The following MOSMO variants were observed in gnomAD, a reference collection of about 807,000 sequenced individuals.
The protein encoded by MOSMO is modulator of smoothened protein.
Under a neutral mutation model 18.4 loss-of-function variants are expected in MOSMO, and 5 were observed. That is an observed-to-expected ratio of 0.27 (90% CI 0.14 to 0.57). The LOEUF is 0.57. Ranked by LOEUF, MOSMO falls within the 20% of genes least tolerant of loss-of-function variation. The probability of loss-of-function intolerance (pLI) is 0.92; values close to 1 mark genes in which losing one functional copy is unlikely to be tolerated. For missense variants in MOSMO, 138 were observed against 211.8 expected, an observed-to-expected ratio of 0.65 and a Z score of 2.16; for synonymous variants, 82 against 82.3, an observed-to-expected ratio of 1.00 and a Z score of 0.02.
At chr16:22,032,182 CCTTTT>C (rs1379006214) in intron 1 of MOSMO, among the ~76,000 whole-genome samples, 15 of 151,096 alleles carry the variant, frequency 9.9e-5, no homozygotes, top group Admixed American at 7.9e-4. Context: ...GATCCTCTAC[CCTTTT>C]CTTTTTTTTT....
At chr16:22,065,435 C>G (rs372493336) in intron 1 of MOSMO, among the ~76,000 whole-genome samples, 24 of 152,062 alleles carry the variant, frequency 1.6e-4, no homozygotes, top group African/African-American at 3.9e-4. Flanking sequence ...TTTCAGCAAG[C>G]CTGAACTTGC....
In MOSMO at chr16:22,083,791, A is replaced by T. The variant is rs1398571748; in HGVS notation, c.*2911A>T. ...TTGACATTTTTGGAAGCTCCTATTG[A>T]ACATACCCAAACATCTGTAAACATG... On this transcript the variant is annotated 3_prime_UTR_variant, in exon 3 of 3. Transcript: ENST00000542527. 1 of 402,824 alleles carries T rather than the reference A, an allele frequency of 2.5e-6. No individual in the cohort carries two copies. The highest frequency in any genetic ancestry group is 4.8e-6 in the Non-Finnish European group (1 of 207,384). The allele number at this position is 402,824 out of a possible 1,614,324, so 25.0% of individuals were successfully genotyped here.
At chr16:22,073,008 G>C (rs965935794) in intron 1 of MOSMO, among the ~76,000 whole-genome samples, 1 of 152,106 alleles carries the variant, frequency 6.6e-6, no homozygotes, top group Non-Finnish European at 1.5e-5. Context: ...TATAGAAGGT[G>C]TTGAAATTTT....
chr16:22,021,892 T>C (rs1899771514), intron 1 of MOSMO, among the ~76,000 whole-genome samples: 1 of 152,150 alleles, frequency 6.6e-6, no homozygotes, highest in Admixed American at 6.5e-5. Context: ...GCATGTTTCT[T>C]GGCCTCGGAG....
At chr16:22,069,493 G>A (rs1347960035) in intron 1 of MOSMO, among the ~76,000 whole-genome samples, 1 of 152,148 alleles carries the variant, frequency 6.6e-6, no homozygotes, top group Admixed American at 6.5e-5. Context: ...AAAAAAGTGT[G>A]TATGAAAGGA....
At chr16:22,076,470 T>C (rs999995226) in intron 2 of MOSMO, 1 of 152,178 alleles carries the variant, frequency 6.6e-6, no homozygotes, top group African/African-American at 2.4e-5. Flanking sequence ...CTGCTAAACG[T>C]CCTACAAATA....
At chr16:22,014,741 A>G (rs1305991820) in intron 1 of MOSMO, among the ~76,000 whole-genome samples, 1 of 152,230 alleles carries the variant, frequency 6.6e-6, no homozygotes, top group African/African-American at 2.4e-5. Context: ...ACTCTGTAAC[A>G]TCAGTTGTTA....
intron 1 of MOSMO, among the ~76,000 whole-genome samples, chr16:22,071,203 A>T (rs964271466): frequency 6.6e-6 from 1 of 152,192 alleles, no homozygotes; most frequent in Non-Finnish European, 1.5e-5. Flanking sequence ...ACTCCAAATC[A>T]TAGTACCTAG....
chr16:22,080,221 C>T (rs1296908071), intron 2 of MOSMO, among the ~76,000 whole-genome samples: 3 of 152,136 alleles, frequency 2.0e-5, no homozygotes, highest in African/African-American at 4.8e-5. Flanking sequence ...GTATGCAGCA[C>T]TCATTCAGCA....
chr16:22,010,899 C>T (rs917592076), intron 1 of MOSMO, among the ~76,000 whole-genome samples: 25 of 145,574 alleles, frequency 1.7e-4, no homozygotes, highest in Non-Finnish European at 2.8e-4. Flanking sequence ...CTGGCCTGGG[C>T]GACAGAATGG....
intron 1 of MOSMO, among the ~76,000 whole-genome samples, chr16:22,025,472 C>A (rs1286554731): frequency 1.3e-5 from 2 of 152,076 alleles, no homozygotes. Flanking sequence ...ACAGTGTTTA[C>A]CTCATATGAA....
chr16:22,016,315 C>T (rs1001080433), intron 1 of MOSMO, among the ~76,000 whole-genome samples: 9 of 152,070 alleles, frequency 5.9e-5, no homozygotes, highest in African/African-American at 1.2e-4. Context: ...GCACATTGTC[C>T]GATACTTAGT....
intron 1 of MOSMO, among the ~76,000 whole-genome samples, chr16:22,034,842 C>A (rs895190170): frequency 1.3e-5 from 2 of 148,626 alleles, no homozygotes; most frequent in African/African-American, 4.9e-5. Flanking sequence ...GTGATTCTCC[C>A]ACCTCAGCCT....
chr16:22,068,878 G>A (rs1159946620), intron 1 of MOSMO, among the ~76,000 whole-genome samples: 4 of 152,154 alleles, frequency 2.6e-5, no homozygotes, highest in Admixed American at 6.5e-5. Context: ...CCCCAAGTTG[G>A]TGCACTGCAG....
At chr16:22,075,460 G>A (rs1168098838) in intron 1 of MOSMO, 27 bp from the exon 2 acceptor site, 1 of 1,272,514 alleles carries the variant, frequency 7.9e-7, no homozygotes, top group East Asian at 3.9e-5. Flanking sequence ...ACCCACTAAA[G>A]TATTCCCACC....
At chr16:22,025,911 A>T (rs1252394650) in intron 1 of MOSMO, among the ~76,000 whole-genome samples, 1 of 152,124 alleles carries the variant, frequency 6.6e-6, no homozygotes, top group Non-Finnish European at 1.5e-5. Flanking sequence ...TCTCTTATTA[A>T]CACCCTCTGT....
At chr16:22,080,583 G>A (rs1367505505) in intron 2 of MOSMO, 113 bp from the exon 3 acceptor site, 1 of 609,110 alleles carries the variant, frequency 1.6e-6, no homozygotes. Context: ...AGTGGTCCAT[G>A]TTTTAACAGG....
rs971776703 is a variant in MOSMO at position 22,082,113 on chromosome 16, G to A, written c.*1233G>A. 3 of 151,982 alleles carry A rather than the reference G, an allele frequency of 2.0e-5. No individual in the cohort carries two copies. The highest frequency in any genetic ancestry group is 7.3e-5 in the African/African-American group (3 of 41,378). The allele number at this position is 151,982 out of a possible 1,614,324, so 9.4% of individuals were successfully genotyped here. A position where few individuals can be genotyped will look rare whatever the true frequency, so the allele number is the denominator to read the frequency against. ...TACAAAGTTCGCTAGTAAATATCTGGCTATTTTGGCTATTTACAACACTAA... is the reference window on the plus strand; with the variant it reads ...TACAAAGTTCGCTAGTAAATATCTGACTATTTTGGCTATTTACAACACTAA... On this transcript the variant is annotated 3_prime_UTR_variant, in exon 3 of 3. Transcript: ENST00000542527.
At chr16:22,065,035 A>G (rs541843295) in intron 1 of MOSMO, among the ~76,000 whole-genome samples, 1 of 152,228 alleles carries the variant, frequency 6.6e-6, no homozygotes, top group Non-Finnish European at 1.5e-5. Flanking sequence ...AGCATGTTGT[A>G]CTTGTCAATA....
Sources: gnomAD v4.1 joint callset for allele counts (sites outside exome capture counted in the v4.1 genomes callset) on GRCh38, gnomAD v4.1.1 for gene constraint, MANE v1.5 for transcripts, NCBI Gene and HGNC (gene_info 2026-07-23, HGNC 2026-07-21) for gene names.